Variants in ERMP1 observed in about 807,000 individuals in gnomAD.
The protein encoded by ERMP1 is endoplasmic reticulum metallopeptidase 1, also known as Felix-ina.
In ERMP1, 86 loss-of-function variants were observed where a neutral mutation model predicts 92.0. The observed-to-expected ratio is 0.93, with a 90% confidence interval of 0.79 to 1.12. The LOEUF (loss-of-function observed/expected upper bound fraction) is 1.12. Among genes scored for constraint, ERMP1 ranks in the 50% most tolerant of loss-of-function variants. The probability of loss-of-function intolerance (pLI) is 0.00; values close to 1 mark genes in which losing one functional copy is unlikely to be tolerated. For missense variants in ERMP1, 1,342 were observed against 1,116.3 expected, an observed-to-expected ratio of 1.20 and a Z score of -2.88; for synonymous variants, 530 against 412.8, an observed-to-expected ratio of 1.28 and a Z score of -3.44.
At chr9:5,836,493 T>C (rs1034071921), upstream of ERMP1, among the ~76,000 whole-genome samples, 16 of 152,208 alleles carry the variant, frequency 1.1e-4, no homozygotes, top group African/African-American at 3.9e-4. Context: ...GTGCAAGGAT[T>C]CCAAACGTGG....
At chr9:5,824,559 C>T (rs557904807) in intron 3 of ERMP1, among the ~76,000 whole-genome samples, 4 of 152,234 alleles carry the variant, frequency 2.6e-5, no homozygotes, top group Admixed American at 6.5e-5. Context: ...CCCACCACCA[C>T]GCCTGGCTAA....
intron 4 of ERMP1, among the ~76,000 whole-genome samples, chr9:5,814,934 G>C (rs1440676482): frequency 6.6e-6 from 1 of 152,002 alleles, no homozygotes; most frequent in Admixed American, 6.6e-5. Flanking sequence ...GGAAATCCTA[G>C]AATGAAAAAA....
chr9:5,832,350 G>C, intron 1 of ERMP1: 1 of 275,288 alleles, frequency 3.6e-6, no homozygotes. Context: ...AAAGCAGAAG[G>C]GCTAAGCAAG....
In ERMP1 at chr9:5,833,035, A is replaced by G. The variant is rs2129710108; in HGVS notation, c.-8T>C. Reference sequence around the variant, plus strand: ...CTCAGAACCCCACTCCATGGCCACGAGCCTCAGCTGCCAGCCCAACCGCCC... The same window carrying G: ...CTCAGAACCCCACTCCATGGCCACGGGCCTCAGCTGCCAGCCCAACCGCCC... On this transcript the variant is annotated 5_prime_UTR_variant, in exon 1 of 15. Coordinates refer to ENST00000339450, the MANE Select transcript of ERMP1 (RefSeq NM_024896.3). 6.7e-7 allele frequency: 1 copy of G among 1,487,904 alleles called. No homozygotes were observed. Among genetic ancestry groups the G allele is most frequent in the East Asian group, 2.7e-5 (1 of 36,868 alleles). 92.2% of individuals were successfully genotyped at this position (1,487,904 alleles called of 1,614,324 possible). A position where few individuals can be genotyped will look rare whatever the true frequency, so the allele number is the denominator to read the frequency against.
At chr9:5,806,630 G>C (rs772965849) in intron 8 of ERMP1, among the ~76,000 whole-genome samples, 1 of 151,848 alleles carries the variant, frequency 6.6e-6, no homozygotes, top group East Asian at 1.9e-4. Flanking sequence ...GGCAGAGACA[G>C]GGTCTTGCCA....
Position 5,787,031 on chromosome 9 carries a change from A to C in ERMP1, c.*113T>G, listed in dbSNP as rs1827967979. ...AGCGTTAACCCAGAAAGCTCTTTGA[A>C]CATATGATCATTAAAATTCATTGAC... On this transcript the variant is annotated 3_prime_UTR_variant, in exon 15 of 15. Transcript: ENST00000339450. The C allele has an allele frequency of 1.8e-6, 2 of 1,111,578 alleles. No individual in the cohort carries two copies. Among genetic ancestry groups the C allele is most frequent in the Non-Finnish European group, 2.5e-6 (2 of 786,258 alleles). The allele number at this position is 1,111,578 out of a possible 1,614,324, so 68.9% of individuals were successfully genotyped here.
rs2131239373 is a variant in ERMP1 at position 5,811,335 on chromosome 9, AAC to A, written c.1115-14_1115-13del. 6.4e-7 allele frequency: 1 copy of A among 1,572,988 alleles called. No homozygotes were observed. Among genetic ancestry groups the A allele is most frequent in the Non-Finnish European group, 8.6e-7 (1 of 1,162,114 alleles). On this transcript the variant is annotated splice_polypyrimidine_tract_variant and intron_variant, in intron 6 of 14. Transcript: ENST00000339450. ...TAAAATGTTGTCACCTATTAGTAAA[AAC>A]AAAAAAAAAAAGAAAGAAAAGGAAA...
At chr9:5,831,258 C>T (rs992469825) in intron 1 of ERMP1, among the ~76,000 whole-genome samples, 6 of 152,212 alleles carry the variant, frequency 3.9e-5, no homozygotes, top group Non-Finnish European at 8.8e-5. Context: ...CACCATCCCA[C>T]TCCCAACTTC....
At chr9:5,808,958 G>A (rs945391990) in intron 8 of ERMP1, among the ~76,000 whole-genome samples, 4 of 152,078 alleles carry the variant, frequency 2.6e-5, no homozygotes, top group Admixed American at 6.6e-5. Context: ...AGGCTAAAGC[G>A]ATCCGCCTGC....
At chr9:5,803,835 C>T (rs1303902599) in intron 10 of ERMP1, among the ~76,000 whole-genome samples, 2 of 152,102 alleles carry the variant, frequency 1.3e-5, no homozygotes, top group Admixed American at 1.3e-4. Flanking sequence ...CTTATATTAT[C>T]CTTAATAATT....
intron 2 of ERMP1, among the ~76,000 whole-genome samples, chr9:5,830,251 T>C (rs531811240): frequency 6.6e-6 from 1 of 152,262 alleles, no homozygotes; most frequent in East Asian, 1.9e-4. Context: ...CCATGACAAT[T>C]CTTCTTCTTC....
intron 12 of ERMP1, among the ~76,000 whole-genome samples, chr9:5,798,505 C>A (rs930706022): frequency 1.3e-5 from 2 of 152,244 alleles, no homozygotes; most frequent in Admixed American, 1.3e-4. Flanking sequence ...CATGAGCCAC[C>A]GTGCCCGGCC....
chr9:5,805,348 T>A (rs1006826813), intron 9 of ERMP1, 131 bp from the exon 10 acceptor site: 1 of 727,780 alleles, frequency 1.4e-6, no homozygotes, highest in African/African-American at 1.8e-5. Flanking sequence ...TAAGGGTGTA[T>A]GTTATCTTGG....
At chr9:5,852,269 TG>T (rs1733764130) in intron 6 of ERMP1, among the ~76,000 whole-genome samples, 1 of 152,018 alleles carries the variant, frequency 6.6e-6, no homozygotes, top group African/African-American at 2.4e-5. Flanking sequence ...TTTGTTTTTT[TG>T]TTTTTTTTTT....
Position 5,786,651 on chromosome 9 carries a change from C to T in ERMP1, c.*493G>A, listed in dbSNP as rs898441218. On this transcript the variant is annotated 3_prime_UTR_variant, in exon 15 of 15. Transcript: ENST00000339450. ...AAGAGTGCAATGCTTCTCTCCCAGC[C>T]CTATGGCAATCACTTTCCAGTGACC... 6.4e-6 allele frequency: 1 copy of T among 156,750 alleles called. No individual in the cohort carries two copies. The highest frequency in any genetic ancestry group is 2.4e-5 in the African/African-American group (1 of 41,344). The allele number at this position is 156,750 out of a possible 1,614,324, so 9.7% of individuals were successfully genotyped here.
At chr9:5,829,480 T>G (rs1563772221) in intron 2 of ERMP1, among the ~76,000 whole-genome samples, 1 of 152,190 alleles carries the variant, frequency 6.6e-6, no homozygotes, top group South Asian at 2.1e-4. Context: ...GTGTTAATAT[T>G]ACATAAGAGT....
intron 11 of ERMP1, among the ~76,000 whole-genome samples, chr9:5,799,762 T>C (rs1359670783): frequency 1.3e-5 from 2 of 152,272 alleles, no homozygotes; most frequent in East Asian, 3.9e-4. Flanking sequence ...TCTGGCACAG[T>C]GGAAGAGAAC....
At chr9:5,828,984 C>T (rs1829830990) in intron 2 of ERMP1, among the ~76,000 whole-genome samples, 1 of 152,000 alleles carries the variant, frequency 6.6e-6, no homozygotes, top group Admixed American at 6.6e-5. Context: ...TGGCTCACAC[C>T]TATAATCTCA....
chr9:5,807,204 T>G (rs989353390), intron 8 of ERMP1, among the ~76,000 whole-genome samples: 11 of 152,190 alleles, frequency 7.2e-5, no homozygotes, highest in African/African-American at 2.7e-4. Context: ...TTATACATTG[T>G]TATCAGTTTT....
Sources: allele counts gnomAD v4.1 joint callset (sites outside exome capture counted in the v4.1 genomes callset), GRCh38; gene constraint gnomAD v4.1.1; transcripts MANE v1.5; gene names NCBI Gene and HGNC (gene_info 2026-07-23, HGNC 2026-07-21).